PHYKPL: variants seen among roughly 807,000 people sequenced by gnomAD.
PHYKPL encodes the protein 5-phosphonooxy-L-lysine phospho-lyase.
In PHYKPL, 42 loss-of-function variants were observed where a neutral mutation model predicts 51.3. The observed-to-expected ratio is 0.82, with a 90% CI of 0.64 to 1.06. PHYKPL has a LOEUF of 1.06. Among genes scored for constraint, PHYKPL ranks in the 50% least tolerant of loss-of-function variants. The pLI, the probability that PHYKPL is intolerant of heterozygous loss-of-function variation, is 0.00. For missense variants in PHYKPL, 655 were observed against 586.6 expected (o/e 1.12, Z -1.20); for synonymous variants, 264 against 236.0 (o/e 1.12, Z -1.09).
downstream of PHYKPL, among the ~76,000 whole-genome samples, chr5:178,207,871 A>G (rs942947078): frequency 5.3e-5 from 8 of 151,624 alleles, no homozygotes; most frequent in Non-Finnish European, 7.4e-5. Flanking sequence ...CCTGGCTCAT[A>G]TGTTTTTTTA....
rs1581190940 is a variant in PHYKPL, at chr5:178,210,716, TC to T, written c.*31+1173del. ...GTACCAAATTTAACTTGGCAAACTT[TC>T]TATTGCCTGTCCCATGTGCATCTTA... On this transcript the variant is annotated intron_variant, in intron 12 of 12. Transcript: ENST00000308158. 7 of 940,778 alleles carry T rather than the reference TC, an allele frequency of 7.4e-6. No individual in the cohort carries two copies. The South Asian group carries it at 9.3e-5, about 13-fold the overall frequency. 58.3% of individuals were successfully genotyped at this position (940,778 alleles called of 1,614,324 possible).
At chr5:178,220,159 C>G (rs925014635) in intron 8 of PHYKPL, among the ~76,000 whole-genome samples, 1 of 143,422 alleles carries the variant, frequency 7.0e-6, no homozygotes, top group Admixed American at 7.2e-5. Flanking sequence ...CGCGTCACTG[C>G]ACTCCAGCCT....
chr5:178,207,854 C>T (rs1358942549), downstream of PHYKPL, among the ~76,000 whole-genome samples: 1 of 152,052 alleles, frequency 6.6e-6, no homozygotes, highest in Non-Finnish European at 1.5e-5. Flanking sequence ...AGGCATGTAC[C>T]ACCATGCCTG....
chr5:178,214,244 A>G (rs966764140), intron 10 of PHYKPL, among the ~76,000 whole-genome samples: 4 of 152,070 alleles, frequency 2.6e-5, no homozygotes, highest in African/African-American at 9.7e-5. Flanking sequence ...AACTAGAAGG[A>G]GAAGAAGTCC....
intron 3 of PHYKPL, among the ~76,000 whole-genome samples, chr5:178,227,847 G>C (rs1762595591): frequency 6.6e-6 from 1 of 152,340 alleles, no homozygotes; most frequent in South Asian, 2.1e-4. Context: ...TGGAGATGGA[G>C]AGGTGGAGGG....
intron 3 of PHYKPL, chr5:178,228,599 G>C (rs1378410096): frequency 1.4e-6 from 1 of 702,440 alleles, no homozygotes; most frequent in African/African-American, 1.7e-5. Flanking sequence ...CCTGTAAAAT[G>C]AAGATGGTGA....
Position 178,215,262 on chromosome 5 carries a change from C to A in PHYKPL, c.1082+14G>T, listed in dbSNP as rs750437621. ...TTGGCAGGTGGGTGGTGACTGCTGC[C>A]CCCAGAGCCTCACCTGACATCCCCG... is the stretch of plus-strand genomic sequence containing the variant. On this transcript the variant is annotated intron_variant, in intron 9 of 12. Coordinates refer to ENST00000308158, the MANE Select transcript of PHYKPL (RefSeq NM_153373.4). 6.2e-7 allele frequency: 1 copy of A among 1,613,814 alleles called. No individual in the cohort carries two copies. The highest frequency in any genetic ancestry group is 8.5e-7 in the Non-Finnish European group (1 of 1,179,886).
intron 8 of PHYKPL, among the ~76,000 whole-genome samples, chr5:178,219,787 A>G (rs1760761212): frequency 6.6e-6 from 1 of 152,126 alleles, no homozygotes; most frequent in South Asian, 2.1e-4. Context: ...ACAAATGGTC[A>G]ATAAACATAT....
chr5:178,230,164 A>C, intron 2 of PHYKPL, 65 bp from the exon 3 acceptor site: 1 of 1,596,332 alleles, frequency 6.3e-7, no homozygotes, highest in Non-Finnish European at 8.5e-7. Context: ...GGCCTCCCCC[A>C]GCCCCAAGCT....
Position 178,215,319 on chromosome 5 carries a change from G to A in PHYKPL, c.1039C>T (p.Leu347Phe). 6.2e-7 allele frequency: 1 copy of A among 1,614,058 alleles called. No individual in the cohort carries two copies. Among genetic ancestry groups the A allele is most frequent in the Non-Finnish European group, 8.5e-7 (1 of 1,179,984 alleles). ...GGATGTTTGATTTTTTGCTGCCCGA[G>A]GAGCTGCATCAGGAAGCTGCCTACA... ...TSVGSFLMQL[L>F]GQQKIKHPIV... is the part of the protein sequence containing the mutation. Residue 347 changes from leucine (L) to phenylalanine (F), a missense_variant, in exon 9 of 13, where the codon CTC (leucine) becomes TTC (phenylalanine). Coordinates refer to ENST00000308158, the MANE Select transcript of PHYKPL (RefSeq NM_153373.4).
At chr5:178,212,095 TC>T in intron 11 of PHYKPL, 125 bp from the exon 12 acceptor site, 1 of 970,064 alleles carries the variant, frequency 1.0e-6, no homozygotes, top group Non-Finnish European at 1.6e-6. Flanking sequence ...CACACCCATG[TC>T]CCATTCCCCA....
chr5:178,215,010 G>A (rs1420902152), intron 9 of PHYKPL, 125 bp from the exon 10 acceptor site: 1 of 890,526 alleles, frequency 1.1e-6, no homozygotes, highest in East Asian at 2.6e-5. Context: ...TTCAGAAGGT[G>A]GTGAGAATAG....
intron 6 of PHYKPL, chr5:178,223,261 C>A: frequency 2.3e-6 from 1 of 427,042 alleles, no homozygotes; most frequent in African/African-American, 2.0e-5. Flanking sequence ...CAGCACTGCC[C>A]AAGGATTCTA....
Position 178,230,005 on chromosome 5 carries a change from G to C in PHYKPL, c.273C>G (p.Asp91Glu). Residue 91 changes from aspartate to glutamate, a missense_variant, in exon 3 of 13, where the codon GAC becomes GAG. By Grantham distance (45) the Asp-to-Glu change is conservative. Transcript: ENST00000308158. ...NSRYLHDNIV[D>E]YAQRLSETLP... The stretch of plus-strand genomic sequence containing the variant: ...GGGTCTCTGACAGCCTCTGCGCATA[G>C]TCCACGATGTTGTCATGCAGGTACC... The C allele has an allele frequency of 1.2e-6, 2 of 1,614,236 alleles. No homozygotes were observed. The highest frequency in any genetic ancestry group is 1.6e-4 in the Middle Eastern group (1 of 6,062).
chr5:178,211,934 C>T lies in PHYKPL; in HGVS notation c.1340G>A (p.Arg447Lys), dbSNP rs1358992466. ...AGCAGGGCTGGCTTAGGGCTGGAGC[C>T]TCAGCGTTTCACAACTTCTCACCTT... The part of the protein sequence containing the change: ...EEKVRSCETL[R>K]LQP The change falls in exon 12 of 13, where the codon AGG becomes AAG. Residue 447 changes from arginine to lysine, a missense_variant. By Grantham distance (26) the Arg-to-Lys change is conservative. Coordinates refer to ENST00000308158, the MANE Select transcript of PHYKPL (RefSeq NM_153373.4). 1 of 1,614,196 alleles carries T rather than the reference C, an allele frequency of 6.2e-7. No individual in the cohort carries two copies. Among genetic ancestry groups the T allele is most frequent in the African/African-American group, 1.3e-5 (1 of 75,050 alleles).
At chr5:178,210,893 TCCTGCTGCCGCTCTGCAG>T (rs1758105844) in intron 12 of PHYKPL, 1 of 513,000 alleles carries the variant, frequency 1.9e-6, no homozygotes, top group Non-Finnish European at 3.5e-6. Flanking sequence ...AGGCTCTGCT[TCCTGCTGCCGCTCTGCAG>T]CCTGGACCTG....
At chr5:178,212,116 C>T in intron 11 of PHYKPL, 146 bp from the exon 12 acceptor site, 1 of 779,374 alleles carries the variant, frequency 1.3e-6, no homozygotes, top group Non-Finnish European at 2.1e-6. Context: ...AAAGGGGTGG[C>T]AGCAGTTTCC....
chr5:178,207,235 TC>T (rs1757105763), downstream of PHYKPL: 3 of 1,613,722 alleles, frequency 1.9e-6, no homozygotes, highest in East Asian at 6.7e-5. Context: ...GGTAAGGTGT[TC>T]CCAGCTCTGC....
chr5:178,211,965 C>CCATGT lies in PHYKPL; in HGVS notation c.1304_1308dup (p.Glu437ThrfsTer6). On this transcript the variant is annotated frameshift_variant, in exon 12 of 13. Transcript: ENST00000308158. LOFTEE classifies it high-confidence loss of function. ...GTTTCACAACTTCTCACCTTCTCTT[C>CCATGT]CATGTCTGAAAAAGACCACAAAGCA... 1 of 1,614,180 alleles carries CCATGT rather than the reference C, an allele frequency of 6.2e-7. No homozygotes were observed. Among genetic ancestry groups the CCATGT allele is most frequent in the Non-Finnish European group, 8.5e-7 (1 of 1,180,038 alleles).
Sources: allele counts gnomAD v4.1 joint callset (sites outside exome capture counted in the v4.1 genomes callset), GRCh38; gene constraint gnomAD v4.1.1; transcripts MANE v1.5; gene names NCBI Gene and HGNC (gene_info 2026-07-23, HGNC 2026-07-21).